ZNF229: variants seen among roughly 807,000 people sequenced by gnomAD.
ZNF229 encodes zinc finger protein 229.
In ZNF229, 10 loss-of-function variants were observed where a neutral mutation model predicts 11.8. The observed-to-expected ratio is 0.85, with a 90% CI of 0.52 to 1.44. The LOEUF is 1.44. ZNF229 is among the 40% of genes most tolerant of loss of function. The pLI is 0.00. For missense variants in ZNF229, 1,045 were observed against 1,015.1 expected, an observed-to-expected ratio of 1.03 and a Z score of -0.40; for synonymous variants, 368 against 374.8, an observed-to-expected ratio of 0.98 and a Z score of 0.21.
rs980634203 is a variant in ZNF229 at position 44,430,335 on chromosome 19, G to A, written c.446C>T (p.Pro149Leu). ...PHQGWEGAST[P>L]CFPIENFLDS... Reference sequence around the variant, plus strand: ...CAGGAAATTCTCAATTGGAAAACACGGCGTAGATGCTCCTTCCCACCCTTG... The same window carrying A: ...CAGGAAATTCTCAATTGGAAAACACAGCGTAGATGCTCCTTCCCACCCTTG... The change falls in exon 6 of 6, where the codon CCG (proline) becomes CTG (leucine). Residue 149 changes from proline to leucine, a missense_variant. Pro to Leu is a moderately conservative substitution (Grantham distance 98). Transcript: ENST00000614049. 1.1e-5 allele frequency: 18 copies of A among 1,613,892 alleles called. No individual in the cohort carries two copies. Among genetic ancestry groups the A allele is most frequent in the East Asian group, 4.5e-5 (2 of 44,886 alleles).
At position 44,429,457 on chromosome 19, in the gene ZNF229, A is replaced by G; in HGVS notation, c.1324T>C (p.Phe442Leu). ...TTGTGCAGTGCAGACTTGGCACAGA[A>G]GCCTTTGCCACACTCGCTGCAGGTG... ...PYTCSECGKGFCAKSALHKHQ... is the reference protein window; with the variant it reads ...PYTCSECGKGLCAKSALHKHQ... The change falls in exon 6 of 6, where the codon TTC becomes CTC. Residue 442 changes from phenylalanine (F) to leucine (L), a missense_variant. Phe to Leu is a conservative substitution (Grantham distance 22). Transcript: ENST00000614049. 6.2e-7 allele frequency: 1 copy of G among 1,613,442 alleles called. No individual in the cohort carries two copies. The highest frequency in any genetic ancestry group is 2.2e-5 in the East Asian group (1 of 44,810).
chr19:44,438,954 A>T (rs945539639), intron 4 of ZNF229, among the ~76,000 whole-genome samples: 14 of 152,180 alleles, frequency 9.2e-5, no homozygotes, highest in African/African-American at 3.4e-4. Flanking sequence ...AATCAAACCC[A>T]AAGAGTGGGT....
intron 4 of ZNF229, among the ~76,000 whole-genome samples, chr19:44,439,490 C>CTGGA (rs1971870794): frequency 6.6e-6 from 1 of 152,150 alleles, no homozygotes; most frequent in Non-Finnish European, 1.5e-5. Flanking sequence ...GTCGCCCAGG[C>CTGGA]TGGAGTGCAG....
Position 44,439,604 on chromosome 19 carries a change from C to T in ZNF229, c.93+2959G>A, listed in dbSNP as rs558162468. On this transcript the variant is annotated intron_variant, in intron 4 of 5. Transcript: ENST00000614049. Reference sequence around the variant, plus strand: ...GATTACAGGTGTGCGCCACCATGCCCGGCTAATTTTTTTACTTTTGGTAGA... The same window carrying T: ...GATTACAGGTGTGCGCCACCATGCCTGGCTAATTTTTTTACTTTTGGTAGA... 6.6e-5 allele frequency among the ~76,000 whole-genome samples: 10 copies of T among 152,172 alleles called. No individual in the cohort carries two copies. The South Asian group carries it at 1.5e-3, about 22-fold the overall frequency.
At chr19:44,432,054 T>C in intron 5 of ZNF229, 168 bp downstream of exon 5, 1 of 1,317,508 alleles carries the variant, frequency 7.6e-7, no homozygotes. Flanking sequence ...TCTCAGACTG[T>C]GCCTTCCAGA....
Position 44,429,470 on chromosome 19 carries a change from C to T in ZNF229, c.1311G>A (p.Glu437=). 5 of 1,613,734 alleles carry T rather than the reference C, an allele frequency of 3.1e-6. No individual in the cohort carries two copies. Among genetic ancestry groups the T allele is most frequent in the Non-Finnish European group, 4.2e-6 (5 of 1,179,960 alleles). Residue 437 remains glutamate, a synonymous_variant, in exon 6 of 6, where the codon GAG becomes GAA. Coordinates refer to ENST00000614049, the MANE Select transcript of ZNF229 (RefSeq NM_014518.4). ...ACTTGGCACAGAAGCCTTTGCCACA[C>T]TCGCTGCAGGTGTAGGGCTTCTCCC... ...HTGEKPYTCS[E]CGKGFCAKSA...
In ZNF229 at chr19:44,430,086, C is replaced by A. The variant is rs756422830; in HGVS notation, c.695G>T (p.Arg232Ile). Residue 232 changes from arginine (R) to isoleucine (I), a missense_variant, in exon 6 of 6, where the codon AGA (arginine) becomes ATA (isoleucine). Arg to Ile is a moderately conservative substitution (Grantham distance 97, BLOSUM62 -3). Transcript: ENST00000614049. ...ACACGGCTTGTCTATTTCAGGGAAT[C>A]TGTGATCAACATGACAAGATATCCA... is the stretch of plus-strand genomic sequence containing the variant. Reference protein sequence around the residue: ...FCWISCHVDHRFPEIDKPCGC... With the variant: ...FCWISCHVDHIFPEIDKPCGC... 2.5e-5 allele frequency: 41 copies of A among 1,614,118 alleles called. No individual in the cohort carries two copies. In the South Asian group the frequency reaches 4.5e-4, roughly 18 times the overall value.
chr19:44,436,879 T>A (rs1182074383), intron 4 of ZNF229, among the ~76,000 whole-genome samples: 4 of 152,288 alleles, frequency 2.6e-5, no homozygotes, highest in African/African-American at 7.2e-5. Context: ...TGTATTTCCT[T>A]CTGTCTTTGT....
Position 44,428,820 on chromosome 19 carries a change from T to C in ZNF229, c.1961A>G (p.Lys654Arg). 1 of 1,613,416 alleles carries C rather than the reference T, an allele frequency of 6.2e-7. No individual in the cohort carries two copies. Among genetic ancestry groups the C allele is most frequent in the East Asian group, 2.2e-5 (1 of 44,834 alleles). Residue 654 changes from lysine (K) to arginine (R), a missense_variant, in exon 6 of 6, where the codon AAA becomes AGA. By Grantham distance (26) the Lys-to-Arg change is conservative (BLOSUM62 2). Transcript: ENST00000614049. The part of the protein sequence containing the change: ...LIHQRVHTGE[K>R]PYRCQECGKG... ...TCCGCACTCTTGGCATCTGTAAGGT[T>C]TCTCGCCTGTGTGGACTCTCTGGTG...
intron 4 of ZNF229, among the ~76,000 whole-genome samples, chr19:44,440,631 C>A (rs1452825456): frequency 6.6e-6 from 1 of 152,008 alleles, no homozygotes; most frequent in Non-Finnish European, 1.5e-5. Flanking sequence ...AGACTTAATA[C>A]AAGAAGAAAA....
intron 4 of ZNF229, among the ~76,000 whole-genome samples, chr19:44,432,640 T>C (rs2123351329): frequency 6.7e-6 from 1 of 149,074 alleles, no homozygotes; most frequent in Admixed American, 6.7e-5. Context: ...AATTGAACAA[T>C]GAGAACACAT....
At chr19:44,441,985 G>C (rs1971918851) in intron 4 of ZNF229, among the ~76,000 whole-genome samples, 1 of 152,152 alleles carries the variant, frequency 6.6e-6, no homozygotes, top group Non-Finnish European at 1.5e-5. Flanking sequence ...GAGGCTTATA[G>C]TCTTTTCATA....
intron 5 of ZNF229, among the ~76,000 whole-genome samples, chr19:44,431,113 T>G (rs1346097574): frequency 1.3e-5 from 2 of 152,108 alleles, no homozygotes; most frequent in Non-Finnish European, 2.9e-5. Flanking sequence ...TCTGGGTATT[T>G]GTGAGCCATA....
In ZNF229 at chr19:44,428,733, G is replaced by T. The variant is rs372112319; in HGVS notation, c.2048C>A (p.Pro683His). 1.4e-5 allele frequency: 23 copies of T among 1,613,720 alleles called. No individual in the cohort carries two copies. Among genetic ancestry groups the T allele is most frequent in the African/African-American group, 5.4e-5 (4 of 74,756 alleles). The change falls in exon 6 of 6, where the codon CCC becomes CAC. Residue 683 changes from proline (P) to histidine (H), a missense_variant. Pro to His is a moderately conservative substitution (Grantham distance 77). Coordinates refer to ENST00000614049, the MANE Select transcript of ZNF229 (RefSeq NM_014518.4). ...CTTGCCACACTGATCACACGTATAG[G>T]GCTTTTTTCCCGTGTGGACTCGCTG... ...KHQRVHTGKK[P>H]YTCDQCGKGF...
rs781088110 is a variant in ZNF229 at position 44,430,242 on chromosome 19, C to G, written c.539G>C (p.Arg180Thr). 5.6e-6 allele frequency: 9 copies of G among 1,614,032 alleles called. No homozygotes were observed. In the African/African-American group the frequency reaches 9.3e-5, roughly 17 times the overall value. The change falls in exon 6 of 6, where the codon AGA becomes ACA. Residue 180 changes from arginine (R) to threonine (T), a missense_variant. By Grantham distance (71) the Arg-to-Thr change is moderately conservative. Transcript: ENST00000614049. The stretch of plus-strand genomic sequence containing the variant: ...CCAAGATCCTTGAATGGGGATTGGT[C>G]TTATAGCTCTCCAGGCTGGAAACTG... The part of the protein sequence containing the change: ...NQQFPAWRAI[R>T]PIPIQGSWAK...
In ZNF229 at chr19:44,429,567, T is replaced by A; in HGVS notation, c.1214A>T (p.Tyr405Phe). The change falls in exon 6 of 6, where the codon TAT becomes TTT. Residue 405 changes from tyrosine to phenylalanine, a missense_variant. Transcript: ENST00000614049. Reference sequence around the variant, plus strand: ...GCCCTTCCCACACTCGCTGCATTTATATGGTTTCTCTCCAGTGTGGACCCT... The same window carrying A: ...GCCCTTCCCACACTCGCTGCATTTAAATGGTTTCTCTCCAGTGTGGACCCT... ...HQRVHTGEKP[Y>F]KCSECGKGFS... 6.2e-7 allele frequency: 1 copy of A among 1,613,794 alleles called. No homozygotes were observed. Among genetic ancestry groups the A allele is most frequent in the Non-Finnish European group, 8.5e-7 (1 of 1,179,842 alleles).
At position 44,431,961 on chromosome 19, in the gene ZNF229, C is replaced by G. The variant is rs558638077; in HGVS notation, c.238+261G>C. 24 of 674,588 alleles carry G rather than the reference C, an allele frequency of 3.6e-5. No homozygotes were observed. In the African/African-American group the frequency reaches 4.0e-4, roughly 11 times the overall value. The allele number at this position is 674,588 out of a possible 1,614,324, so 41.8% of individuals were successfully genotyped here. ...CAGATGCCCAGAGAGCTCTTCTCTG[C>G]TACGTGAGGACACAAAAGGAAGTCA... On this transcript the variant is annotated intron_variant, in intron 5 of 5. Transcript: ENST00000614049.
At position 44,433,673 on chromosome 19, in the gene ZNF229, G is replaced by T. The variant is rs117282069; in HGVS notation, c.94-1307C>A. On this transcript the variant is annotated intron_variant, in intron 4 of 5. Coordinates refer to ENST00000614049, the MANE Select transcript of ZNF229 (RefSeq NM_014518.4). Reference sequence around the variant, plus strand: ...CCTTAGAAGCCCAGCAAATGCCAGCGCAATGCTTCCTGTTTAGCCTGCAGA... The same window carrying T: ...CCTTAGAAGCCCAGCAAATGCCAGCTCAATGCTTCCTGTTTAGCCTGCAGA... Among the ~76,000 whole-genome samples, 3 of 152,018 alleles carry T rather than the reference G, an allele frequency of 2.0e-5. No individual in the cohort carries two copies. The East Asian group carries it at 5.8e-4, about 29-fold the overall frequency.
At chr19:44,439,174 C>A (rs879376276) in intron 4 of ZNF229, among the ~76,000 whole-genome samples, 3 of 152,178 alleles carry the variant, frequency 2.0e-5, no homozygotes, top group Non-Finnish European at 4.4e-5. Context: ...GAAACCCACA[C>A]ACATTTGGTC....
Sources: gnomAD v4.1 joint callset for allele counts (sites outside exome capture counted in the v4.1 genomes callset) on GRCh38, gnomAD v4.1.1 for gene constraint, MANE v1.5 for transcripts, NCBI Gene and HGNC (gene_info 2026-07-23, HGNC 2026-07-21) for gene names.